Variants in LOC128092253 observed in about 807,000 individuals in gnomAD.
At chr6:133,979,646 A>G in the LOC128092253 span, among the ~76,000 whole-genome samples, 1 of 152,282 alleles carries the variant, frequency 6.6e-6, no homozygotes, top group East Asian at 1.9e-4. Flanking sequence ...AAGAAAGGAC[A>G]TGATTTGGTT....
the LOC128092253 span, among the ~76,000 whole-genome samples, chr6:133,977,363 A>G: frequency 1.3e-5 from 2 of 152,184 alleles, no homozygotes; most frequent in South Asian, 2.1e-4. Flanking sequence ...GAAATGATGA[A>G]AAATCACCAA....
the LOC128092253 span, among the ~76,000 whole-genome samples, chr6:133,967,190 C>A: frequency 6.6e-6 from 1 of 152,292 alleles, no homozygotes; most frequent in Admixed American, 6.5e-5. Context: ...AGGTCCCTAT[C>A]CCCTAGTATG....
chr6:133,953,903 G>C, the LOC128092253 span, among the ~76,000 whole-genome samples: 1 of 152,036 alleles, frequency 6.6e-6, no homozygotes, highest in Non-Finnish European at 1.5e-5. Context: ...CGGCTTCGTC[G>C]GTTTCTGATT....
At chr6:133,978,470 AT>A in the LOC128092253 span, among the ~76,000 whole-genome samples, 2 of 152,196 alleles carry the variant, frequency 1.3e-5, no homozygotes, top group African/African-American at 4.8e-5. Context: ...CTTAAGACCA[AT>A]GGTAATAAAC....
the LOC128092253 span, among the ~76,000 whole-genome samples, chr6:133,958,899 A>G: frequency 1.3e-5 from 2 of 152,154 alleles, no homozygotes; most frequent in Non-Finnish European, 2.9e-5. Flanking sequence ...TCCACACACT[A>G]AGGAGGTTGG....
At chr6:133,968,161 G>T in the LOC128092253 span, among the ~76,000 whole-genome samples, 1 of 151,956 alleles carries the variant, frequency 6.6e-6, no homozygotes, top group East Asian at 1.9e-4. Context: ...GCTAATTTTT[G>T]TATTTTTAGT....
the LOC128092253 span, among the ~76,000 whole-genome samples, chr6:133,955,107 A>G: frequency 6.6e-6 from 1 of 151,876 alleles, no homozygotes; most frequent in African/African-American, 2.4e-5. Flanking sequence ...AGTTCTGTGA[A>G]GGATATACTG....
the LOC128092253 span, among the ~76,000 whole-genome samples, chr6:133,965,283 G>GT: frequency 5.3e-5 from 8 of 152,058 alleles, no homozygotes; most frequent in African/African-American, 1.9e-4. Flanking sequence ...ATTATAGTCC[G>GT]TAATATGGGA....
At chr6:133,976,202 GT>G in the LOC128092253 span, among the ~76,000 whole-genome samples, 7 of 151,294 alleles carry the variant, frequency 4.6e-5, no homozygotes, top group Admixed American at 2.6e-4. Flanking sequence ...CTTGCTAACA[GT>G]TTTTTTTTCA....
the LOC128092253 span, among the ~76,000 whole-genome samples, chr6:133,954,947 G>A: frequency 6.6e-6 from 1 of 152,126 alleles, no homozygotes; most frequent in Non-Finnish European, 1.5e-5. Context: ...TGGAATTGAG[G>A]TCCAGTGTCT....
chr6:133,970,417 G>A, the LOC128092253 span, among the ~76,000 whole-genome samples: 1 of 152,098 alleles, frequency 6.6e-6, no homozygotes, highest in Non-Finnish European at 1.5e-5. Context: ...CTAAGTTTAT[G>A]TGTATATGTG....
At chr6:133,977,040 T>A in the LOC128092253 span, among the ~76,000 whole-genome samples, 3 of 152,102 alleles carry the variant, frequency 2.0e-5, no homozygotes, top group Non-Finnish European at 4.4e-5. Flanking sequence ...AATTATCCTA[T>A]TGAAAAGGGA....
At chr6:133,975,270 C>T in the LOC128092253 span, among the ~76,000 whole-genome samples, 1 of 151,916 alleles carries the variant, frequency 6.6e-6, no homozygotes, top group Admixed American at 6.6e-5. Context: ...ATTATTAAGA[C>T]AACCATGAAG....
the LOC128092253 span, among the ~76,000 whole-genome samples, chr6:133,965,934 C>T: frequency 6.6e-6 from 1 of 152,174 alleles, no homozygotes; most frequent in Non-Finnish European, 1.5e-5. Flanking sequence ...ATGATGGGTT[C>T]TGTTTATCTG....
At chr6:133,954,631 A>G in the LOC128092253 span, among the ~76,000 whole-genome samples, 5 of 152,260 alleles carry the variant, frequency 3.3e-5, no homozygotes, top group African/African-American at 1.2e-4. Flanking sequence ...CCACATATAC[A>G]TACAAAGTTC....
At chr6:133,975,645 A>G in the LOC128092253 span, among the ~76,000 whole-genome samples, 4 of 152,248 alleles carry the variant, frequency 2.6e-5, no homozygotes, top group Admixed American at 1.3e-4. Flanking sequence ...TAAATGAAGT[A>G]TTAGCAAACC....
the LOC128092253 span, among the ~76,000 whole-genome samples, chr6:133,966,882 C>T: frequency 6.6e-6 from 1 of 152,186 alleles, no homozygotes; most frequent in Non-Finnish European, 1.5e-5. Context: ...ACCCATTCTT[C>T]TCTTTCAGTC....
the LOC128092253 span, among the ~76,000 whole-genome samples, chr6:133,976,612 A>G: frequency 1.3e-5 from 2 of 152,192 alleles, no homozygotes; most frequent in Non-Finnish European, 2.9e-5. Context: ...ATTTAGTTAG[A>G]CCTGTTTAAC....
the LOC128092253 span, among the ~76,000 whole-genome samples, chr6:133,979,856 A>C: frequency 2.0e-5 from 3 of 152,282 alleles, no homozygotes; most frequent in East Asian, 3.9e-4. Flanking sequence ...TATGTTGGCC[A>C]GTCTGGTTTT....
Sources: gnomAD v4.1 joint callset for allele counts (sites outside exome capture counted in the v4.1 genomes callset) on GRCh38, gnomAD v4.1.1 for gene constraint, MANE v1.5 for transcripts.